The following KIRREL3 variants were observed in gnomAD, a reference collection of about 807,000 sequenced individuals.
KIRREL3 encodes kin of IRRE-like protein 3.
Under a neutral mutation model 89.7 loss-of-function variants are expected in KIRREL3, and 36 were observed. The ratio of observed to expected loss-of-function variants is 0.40; its 90% confidence interval spans 0.31 to 0.53. KIRREL3 has a LOEUF of 0.53. Ranked by LOEUF, KIRREL3 falls within the 20% of genes least tolerant of loss-of-function variation. The pLI is 0.49. For synonymous variants in KIRREL3, 445 were observed against 441.4 expected, an observed-to-expected ratio of 1.01 and a Z score of -0.10; for missense variants, 864 against 1,056.6, an observed-to-expected ratio of 0.82 and a Z score of 2.53.
At chr11:126,799,522 G>T (rs1483262158) in intron 1 of KIRREL3, among the ~76,000 whole-genome samples, 1 of 50,996 alleles carries the variant, frequency 2.0e-5, no homozygotes, top group African/African-American at 6.9e-5. Flanking sequence ...CCTGAGTTAT[G>T]AATTTTGTTG....
chr11:126,467,626 T>G (rs1956768060), intron 5 of KIRREL3, among the ~76,000 whole-genome samples: 1 of 146,076 alleles, frequency 6.8e-6, no homozygotes. Context: ...ACCTGCTGGG[T>G]CCCTTTTTTT....
chr11:126,536,642 C>CTTTTTTT (rs145142970), intron 2 of KIRREL3, among the ~76,000 whole-genome samples: 5 of 77,166 alleles, frequency 6.5e-5, no homozygotes, highest in Non-Finnish European at 1.1e-4. Context: ...CTGGGCAATG[C>CTTTTTTT]TTTTTTTTTT....
intron 1 of KIRREL3, among the ~76,000 whole-genome samples, chr11:126,581,651 C>T (rs1941560306): frequency 1.5e-5 from 1 of 66,076 alleles, no homozygotes. Flanking sequence ...ACATATGTAT[C>T]ATTTTTTTTT....
At position 126,683,131 on chromosome 11, in the gene KIRREL3, C is replaced by G. The variant is rs1046257935; in HGVS notation, c.56-120219G>C. Among the ~76,000 whole-genome samples the G allele has an allele frequency of 6.6e-6, 1 of 152,156 alleles. No homozygotes were observed. The highest frequency in any genetic ancestry group is 1.5e-5 in the Non-Finnish European group (1 of 68,040). ...TCAGCCTTCCAAAGTGTTGCAATTA[C>G]AAGCGTGAGCCACAGCACCGGGTTA... On this transcript the variant is annotated intron_variant, in intron 1 of 16. Transcript: ENST00000525144. This position sits in a 1 kb window ranked among gnomAD's most constrained non-coding sequence, Gnocchi z 5.2.
chr11:126,678,383 G>A (rs1002890427), intron 1 of KIRREL3, among the ~76,000 whole-genome samples: 1 of 151,920 alleles, frequency 6.6e-6, no homozygotes, highest in Non-Finnish European at 1.5e-5. Context: ...GGCAGATCAC[G>A]AGGTCAGGAG....
rs1197110167 is a variant in KIRREL3 at position 126,455,348 on chromosome 11, G to A, written c.848+1001C>T. On this transcript the variant is annotated intron_variant, in intron 7 of 16. Coordinates refer to ENST00000525144, the MANE Select transcript of KIRREL3 (RefSeq NM_032531.4). The surrounding 1 kb of genome is among the most constrained non-coding windows in gnomAD (Gnocchi z 6.4). ...AGGCAGAAAGGCGCCCAGAGGAAGC[G>A]TGTGTTTATTGGATCAGTCAGACAC... 6.6e-6 allele frequency among the ~76,000 whole-genome samples: 1 copy of A among 152,216 alleles called. No individual in the cohort carries two copies. Among genetic ancestry groups the A allele is most frequent in the Non-Finnish European group, 1.5e-5 (1 of 68,040 alleles).
chr11:127,002,623 T>C (rs1461792258), upstream of KIRREL3, among the ~76,000 whole-genome samples: 3 of 152,054 alleles, frequency 2.0e-5, no homozygotes, highest in Non-Finnish European at 4.4e-5. Flanking sequence ...GCCTATGGGG[T>C]TGTTGGGGAG....
rs1481909908 is a variant in KIRREL3, at chr11:126,484,389, G to A, written c.434-10923C>T. 2.0e-5 allele frequency among the ~76,000 whole-genome samples: 3 copies of A among 152,198 alleles called. No homozygotes were observed. The highest frequency in any genetic ancestry group is 7.2e-5 in the African/African-American group (3 of 41,448). ...TGATATAGGGCTTACCACACAGCAA[G>A]AACTCTTCTGTGTACTTTACAAATA... On this transcript the variant is annotated intron_variant, in intron 4 of 16. Transcript: ENST00000525144. The surrounding 1 kb of genome is among the most constrained non-coding windows in gnomAD (Gnocchi z 5.2).
Position 126,754,590 on chromosome 11 carries a change from A to G in KIRREL3, c.56-191678T>C, listed in dbSNP as rs529997012. 6.6e-6 allele frequency among the ~76,000 whole-genome samples: 1 copy of G among 152,172 alleles called. No individual in the cohort carries two copies. The highest frequency in any genetic ancestry group is 2.1e-4 in the South Asian group (1 of 4,800). On this transcript the variant is annotated intron_variant, in intron 1 of 16. Transcript: ENST00000525144. The surrounding 1 kb of genome is among the most constrained non-coding windows in gnomAD (Gnocchi z 5.1). ...TCGTCTGCGAAGAAAGAATAGAGAT[A>G]CGAGATAAATTAAAGGGATCATTTT... is the stretch of plus-strand genomic sequence containing the variant.
intron 15 of KIRREL3, 34 bp from the exon 16 acceptor site, chr11:126,425,758 A>C: frequency 6.5e-7 from 1 of 1,536,740 alleles, no homozygotes; most frequent in Non-Finnish European, 8.9e-7. Flanking sequence ...AGTAGATAGG[A>C]GGTGGCTAAA....
At chr11:126,728,668 G>A (rs775901578) in intron 1 of KIRREL3, among the ~76,000 whole-genome samples, 49 of 152,156 alleles carry the variant, frequency 3.2e-4, no homozygotes, top group African/African-American at 1.2e-4. Context: ...GTATAGGGAG[G>A]GGAAAGGAGG....
At chr11:126,514,629 T>A (rs1958342791) in intron 4 of KIRREL3, among the ~76,000 whole-genome samples, 1 of 152,264 alleles carries the variant, frequency 6.6e-6, no homozygotes, top group Non-Finnish European at 1.5e-5. Context: ...ATTATTTCAT[T>A]AAATCCTCTC....
intron 5 of KIRREL3, among the ~76,000 whole-genome samples, chr11:126,465,713 G>A (rs1363573507): frequency 6.6e-6 from 1 of 152,202 alleles, no homozygotes; most frequent in South Asian, 2.1e-4. Context: ...GGGGCTGGAG[G>A]AGAGTGACGT....
chr11:126,810,856 C>G (rs1727552650), intron 1 of KIRREL3, among the ~76,000 whole-genome samples: 1 of 152,202 alleles, frequency 6.6e-6, no homozygotes, highest in African/African-American at 2.4e-5. Flanking sequence ...GCAGTTCTGA[C>G]TGAAACCCTG....
At chr11:126,959,632 T>C (rs1434646416) in intron 1 of KIRREL3, among the ~76,000 whole-genome samples, 1 of 152,184 alleles carries the variant, frequency 6.6e-6, no homozygotes, top group African/African-American at 2.4e-5. Context: ...ATCATCTCGG[T>C]ATTCCTCCTT....
At chr11:126,542,032 C>CT (rs1938409770) in intron 2 of KIRREL3, among the ~76,000 whole-genome samples, 1 of 152,298 alleles carries the variant, frequency 6.6e-6, no homozygotes, top group African/African-American at 2.4e-5. Context: ...TCAGGACCCT[C>CT]TGTGCAATGC....
rs1947431149 is a variant in KIRREL3, at chr11:126,704,338, G to C, written c.56-141426C>G. ...ACAGCTGGTAGGAAGCATGTTTGTC[G>C]GGGTGTGGGGAGTGCAGGAGAGAGG... On this transcript the variant is annotated intron_variant, in intron 1 of 16. Transcript: ENST00000525144. This position sits in a 1 kb window ranked among gnomAD's most constrained non-coding sequence, Gnocchi z 4.2. Among the ~76,000 whole-genome samples the C allele has an allele frequency of 6.6e-6, 1 of 152,188 alleles. No individual in the cohort carries two copies. The highest frequency in any genetic ancestry group is 1.5e-5 in the Non-Finnish European group (1 of 68,038).
At chr11:126,722,121 G>C (rs572760403) in intron 1 of KIRREL3, among the ~76,000 whole-genome samples, 318 of 152,316 alleles carry the variant, frequency 2.1e-3, no homozygotes, top group Non-Finnish European at 3.2e-3. Flanking sequence ...CTGCCAAACT[G>C]TTCCTCAAGC....
rs1002027688 is a variant in KIRREL3 at position 126,778,664 on chromosome 11, T to C, written c.56-215752A>G. Among the ~76,000 whole-genome samples the C allele has an allele frequency of 6.6e-6, 1 of 152,232 alleles. No homozygotes were observed. Among genetic ancestry groups the C allele is most frequent in the African/African-American group, 2.4e-5 (1 of 41,460 alleles). On this transcript the variant is annotated intron_variant, in intron 1 of 16. Coordinates refer to ENST00000525144, the MANE Select transcript of KIRREL3 (RefSeq NM_032531.4). This position sits in a 1 kb window ranked among gnomAD's most constrained non-coding sequence, Gnocchi z 4.5. ...TGCATATGGTACAGCTTTTGAATGG[T>C]GTGATCACATGGCTCTCCAGAAAGG...
Sources: allele counts gnomAD v4.1 joint callset (sites outside exome capture counted in the v4.1 genomes callset), GRCh38; gene constraint gnomAD v4.1.1; non-coding constraint Gnocchi (gnomAD v3.1); transcripts MANE v1.5; gene names NCBI Gene and HGNC (gene_info 2026-07-23, HGNC 2026-07-21).